CHRM3: variants seen among roughly 807,000 people sequenced by gnomAD.
CHRM3 encodes the protein cholinergic receptor muscarinic 3.
CHRM3 carries 11 observed loss-of-function variants against 41.8 expected under a neutral mutation model. The observed-to-expected ratio is 0.26, with a 90% CI of 0.17 to 0.44. The LOEUF (loss-of-function observed/expected upper bound fraction) is 0.44, where lower values mean the gene tolerates loss of function less well. CHRM3 is among the 20% of genes least tolerant of loss of function. CHRM3 has a pLI of 1.00. For synonymous variants in CHRM3, 297 were observed against 301.4 expected (o/e 0.99, Z 0.15); for missense variants, 571 against 745.4 (o/e 0.77, Z 2.72).
intron 1 of CHRM3, among the ~76,000 whole-genome samples, chr1:239,448,719 T>A (rs1664342156): frequency 6.6e-6 from 1 of 152,188 alleles, no homozygotes; most frequent in African/African-American, 2.4e-5. Flanking sequence ...ACAAGGCAAT[T>A]TAAAAGGGGT....
Position 239,558,983 on chromosome 1 carries a change from T to C in CHRM3, c.-313+13234T>C, listed in dbSNP as rs185648140. Reference sequence around the variant, plus strand: ...GCACCTGGAGGATACTCCATAAATATGGACTAAGTGAATTTTTGTGCCCAA... The same window carrying C: ...GCACCTGGAGGATACTCCATAAATACGGACTAAGTGAATTTTTGTGCCCAA... On this transcript the variant is annotated intron_variant, in intron 3 of 6. Transcript: ENST00000676153. Among the ~76,000 whole-genome samples the C allele has an allele frequency of 8.5e-5, 13 of 152,344 alleles. No individual in the cohort carries two copies. The East Asian group carries it at 9.6e-4, about 11-fold the overall frequency.
chr1:239,840,186 T>G (rs1486602204), intron 6 of CHRM3, among the ~76,000 whole-genome samples: 2 of 152,190 alleles, frequency 1.3e-5, no homozygotes, highest in Non-Finnish European at 2.9e-5. Flanking sequence ...ACCTGTACAT[T>G]ATGTGTGCAT....
chr1:239,687,740 A>G (rs751563816), intron 5 of CHRM3, among the ~76,000 whole-genome samples: 1 of 152,146 alleles, frequency 6.6e-6, no homozygotes, highest in Non-Finnish European at 1.5e-5. Flanking sequence ...CTATGTTCAG[A>G]TATGTTTAGA....
chr1:239,394,704 CCCCTTTATA>C (rs1659330431), intron 1 of CHRM3, among the ~76,000 whole-genome samples: 2 of 152,142 alleles, frequency 1.3e-5, no homozygotes, highest in African/African-American at 4.8e-5. Flanking sequence ...AGATGCAGAT[CCCCTTTATA>C]TTGAGCCAAA....
intron 6 of CHRM3, among the ~76,000 whole-genome samples, chr1:239,837,062 G>A (rs191287721): frequency 9.9e-5 from 15 of 152,078 alleles, no homozygotes. Context: ...CCTATGATCA[G>A]TAATGCATGA....
chr1:239,837,921 G>A (rs1405907081), intron 6 of CHRM3, among the ~76,000 whole-genome samples: 3 of 152,098 alleles, frequency 2.0e-5, no homozygotes, highest in Non-Finnish European at 4.4e-5. Flanking sequence ...ACCCTCAAAA[G>A]TTTACATTGT....
intron 5 of CHRM3, among the ~76,000 whole-genome samples, chr1:239,824,043 G>A (rs1490435131): frequency 6.6e-6 from 1 of 152,014 alleles, no homozygotes; most frequent in Non-Finnish European, 1.5e-5. Context: ...GGGAGCATGT[G>A]CGTGACCATC....
chr1:239,423,791 A>C (rs1193862137), intron 1 of CHRM3, among the ~76,000 whole-genome samples: 1 of 152,044 alleles, frequency 6.6e-6, no homozygotes, highest in Non-Finnish European at 1.5e-5. Context: ...AGTCTTTGAA[A>C]AAGCAAGCCA....
chr1:239,620,571 G>C (rs1015132514), intron 3 of CHRM3, among the ~76,000 whole-genome samples: 18 of 152,020 alleles, frequency 1.2e-4, no homozygotes, highest in African/African-American at 4.1e-4. Flanking sequence ...TGCTACAACT[G>C]TTTTGGTAAG....
intron 1 of CHRM3, among the ~76,000 whole-genome samples, chr1:239,460,831 A>C (rs909823868): frequency 2.0e-5 from 3 of 152,340 alleles, no homozygotes; most frequent in African/African-American, 7.2e-5. Flanking sequence ...AATAAAATGT[A>C]GTGTTCTTCA....
intron 6 of CHRM3, among the ~76,000 whole-genome samples, chr1:239,864,771 T>A (rs143792383): frequency 1.3e-5 from 2 of 152,284 alleles, no homozygotes; most frequent in African/African-American, 4.8e-5. Flanking sequence ...TTTCCTTTGA[T>A]TCTCTACCTA....
intron 1 of CHRM3, among the ~76,000 whole-genome samples, chr1:239,465,759 C>T (rs909211929): frequency 1.3e-5 from 2 of 152,100 alleles, no homozygotes; most frequent in Non-Finnish European, 2.9e-5. Context: ...CCTTGAACAA[C>T]GTGGGTTTGA....
At chr1:239,543,367 C>A (rs1335111419) in intron 2 of CHRM3, among the ~76,000 whole-genome samples, 1 of 152,116 alleles carries the variant, frequency 6.6e-6, no homozygotes, top group African/African-American at 2.4e-5. Context: ...TGCATTGCCC[C>A]TGAGGCTCAT....
At chr1:239,674,709 C>CA (rs34078965) in intron 4 of CHRM3, among the ~76,000 whole-genome samples, 48,335 of 92,334 alleles carry the variant, frequency 0.52, 10,879 homozygotes, top group Middle Eastern at 0.69. Flanking sequence ...GACTCCATCT[C>CA]AAAAAAAAAA....
chr1:239,499,695 A>G (rs1347161031), intron 2 of CHRM3, among the ~76,000 whole-genome samples: 1 of 152,168 alleles, frequency 6.6e-6, no homozygotes, highest in Non-Finnish European at 1.5e-5. Context: ...AGTTAAGACG[A>G]AGGAAAGTAT....
At chr1:239,541,286 A>G (rs1401562107) in intron 2 of CHRM3, among the ~76,000 whole-genome samples, 1 of 152,134 alleles carries the variant, frequency 6.6e-6, no homozygotes, top group African/African-American at 2.4e-5. Flanking sequence ...CTTTGAACAC[A>G]TATAAGTAAT....
chr1:239,564,791 C>T (rs370125105), intron 3 of CHRM3, among the ~76,000 whole-genome samples: 1 of 152,108 alleles, frequency 6.6e-6, no homozygotes, highest in African/African-American at 2.4e-5. Flanking sequence ...CTCCTTGATC[C>T]TAAATTGCAC....
intron 6 of CHRM3, among the ~76,000 whole-genome samples, chr1:239,866,237 C>T (rs934214390): frequency 2.6e-5 from 4 of 151,890 alleles, no homozygotes; most frequent in South Asian, 2.1e-4. Context: ...ATTAGCCGGG[C>T]GTGGTGGCGG....
At chr1:239,467,903 C>CG (rs960696527) in intron 1 of CHRM3, among the ~76,000 whole-genome samples, 4 of 132,778 alleles carry the variant, frequency 3.0e-5, no homozygotes, top group African/African-American at 1.4e-4. Context: ...TTCCCTACCC[C>CG]CCCCCAACGT....
Sources: allele counts gnomAD v4.1 joint callset (sites outside exome capture counted in the v4.1 genomes callset), GRCh38; gene constraint gnomAD v4.1.1; transcripts MANE v1.5; gene names NCBI Gene and HGNC (gene_info 2026-07-23, HGNC 2026-07-21).